The following PCDHA9 variants were observed in gnomAD, a reference collection of about 807,000 sequenced individuals.
The protein encoded by PCDHA9 is protocadherin alpha 9.
A neutral mutation model predicts 62.0 loss-of-function variants in PCDHA9; 62 were observed. The ratio of observed to expected loss-of-function variants is 1.00; its 90% confidence interval spans 0.81 to 1.23. The LOEUF (loss-of-function observed/expected upper bound fraction) is 1.23. PCDHA9 is among the 50% of genes most tolerant of loss of function. The pLI, the probability that PCDHA9 is intolerant of heterozygous loss-of-function variation, is 0.00. For synonymous variants in PCDHA9, 557 were observed against 567.6 expected (o/e 0.98, Z 0.27); for missense variants, 1,205 against 1,249.8 (o/e 0.96, Z 0.54).
At chr5:140,876,328 C>A in intron 1 of PCDHA9, 1 of 1,613,940 alleles carries the variant, frequency 6.2e-7, no homozygotes, top group Non-Finnish European at 8.5e-7. Flanking sequence ...AATGATTTTG[C>A]CAGTGAGTGA....
At chr5:140,884,037 T>C (rs1260114488) in intron 1 of PCDHA9, 1 of 1,613,346 alleles carries the variant, frequency 6.2e-7, no homozygotes, top group Non-Finnish European at 8.5e-7. Flanking sequence ...GCAGGCCACG[T>C]GGTGGCGAAG....
At chr5:140,871,254 T>A in intron 1 of PCDHA9, 1 of 1,613,952 alleles carries the variant, frequency 6.2e-7, no homozygotes, top group Non-Finnish European at 8.5e-7. Context: ...TGCTGCTGTA[T>A]ACGGCGCTGT....
chr5:140,961,970 G>A (rs1282918892), intron 1 of PCDHA9, among the ~76,000 whole-genome samples: 1 of 150,888 alleles, frequency 6.6e-6, no homozygotes, highest in Non-Finnish European at 1.5e-5. Flanking sequence ...TGCAACCTCC[G>A]CCTCCTGGGT....
chr5:140,967,072 C>A, intron 1 of PCDHA9: 7 of 1,613,106 alleles, frequency 4.3e-6, no homozygotes, highest in Non-Finnish European at 5.9e-6. Context: ...TCTTCGTCAA[C>A]GAGCGCATTG....
At chr5:140,983,807 G>A (rs1158459034) in intron 3 of PCDHA9, among the ~76,000 whole-genome samples, 1 of 152,100 alleles carries the variant, frequency 6.6e-6, no homozygotes, top group African/African-American at 2.4e-5. Context: ...TGTGTAAAAG[G>A]TTTTTTCCCA....
intron 1 of PCDHA9, 170 bp from the exon 2 acceptor site, chr5:140,978,779 C>T: frequency 2.1e-6 from 2 of 969,908 alleles, no homozygotes; most frequent in Non-Finnish European, 2.5e-6. Flanking sequence ...TAATTTTCTT[C>T]TAAAGTGCTA....
At position 141,010,207 on chromosome 5, in the gene PCDHA9, A is replaced by C; in HGVS notation, c.*270A>C. The C allele has an allele frequency of 6.4e-7, 1 of 1,551,870 alleles. No homozygotes were observed. ...CCAAGTTTCCTTTCTCCTCCGCCGC[A>C]AAGGAGAGGCTTCCCAGCCCCGCCA... On this transcript the variant is annotated 3_prime_UTR_variant, in exon 4 of 4. Transcript: ENST00000532602.
intron 3 of PCDHA9, among the ~76,000 whole-genome samples, chr5:140,983,787 A>G (rs1439684844): frequency 6.6e-6 from 1 of 152,234 alleles, no homozygotes; most frequent in Non-Finnish European, 1.5e-5. Flanking sequence ...ATAACAGATG[A>G]CAGAATGTGT....
intron 1 of PCDHA9, chr5:140,882,622 T>C (rs782369081): frequency 1.1e-4 from 185 of 1,614,060 alleles, no homozygotes; most frequent in Non-Finnish European, 1.5e-4. Context: ...AGGTTTTCCA[T>C]GTGGAGGTGA....
chr5:140,939,340 A>G (rs1337369012), intron 1 of PCDHA9, among the ~76,000 whole-genome samples: 1 of 152,178 alleles, frequency 6.6e-6, no homozygotes, highest in Non-Finnish European at 1.5e-5. Flanking sequence ...AGGGGTTAGC[A>G]TTTCAACTTA....
intron 1 of PCDHA9, among the ~76,000 whole-genome samples, chr5:140,880,167 G>A (rs1363011800): frequency 2.0e-5 from 3 of 152,160 alleles, no homozygotes; most frequent in African/African-American, 7.2e-5. Context: ...TATGTTAGAA[G>A]TTAAACATGA....
chr5:140,870,642 C>A (rs373909591), intron 1 of PCDHA9: 2 of 1,612,746 alleles, frequency 1.2e-6, no homozygotes, highest in African/African-American at 1.3e-5. Context: ...ACGCGGAGAG[C>A]GGCAAGGTGT....
chr5:140,946,019 C>CA (rs1222084270), intron 1 of PCDHA9, among the ~76,000 whole-genome samples: 3 of 151,732 alleles, frequency 2.0e-5, no homozygotes, highest in Non-Finnish European at 4.4e-5. Flanking sequence ...TCCTGCGCAG[C>CA]AAAGAAAACA....
At chr5:140,997,481 A>G (rs1563624223) in intron 3 of PCDHA9, among the ~76,000 whole-genome samples, 1 of 152,224 alleles carries the variant, frequency 6.6e-6, no homozygotes, top group Non-Finnish European at 1.5e-5. Flanking sequence ...ACACAATGAT[A>G]AGTATTTGTG....
intron 1 of PCDHA9, chr5:140,877,849 TA>T: frequency 6.5e-7 from 1 of 1,545,946 alleles, no homozygotes; most frequent in Non-Finnish European, 8.7e-7. Context: ...AGTAAGTTAT[TA>T]ATATTATTTA....
chr5:140,972,201 G>A (rs1554233905), intron 1 of PCDHA9, among the ~76,000 whole-genome samples: 1 of 152,058 alleles, frequency 6.6e-6, no homozygotes, highest in African/African-American at 2.4e-5. Flanking sequence ...GAGTATAGGT[G>A]TGAATATGGC....
chr5:140,935,526 T>C (rs558710371), intron 1 of PCDHA9, among the ~76,000 whole-genome samples: 3 of 152,232 alleles, frequency 2.0e-5, no homozygotes, highest in Non-Finnish European at 4.4e-5. Flanking sequence ...GCATGTACAG[T>C]CAAATTATTG....
In PCDHA9 at chr5:140,850,799, C is replaced by G. The variant is rs576094644; in HGVS notation, c.2304C>G (p.Asp768Glu). Residue 768 changes from aspartate (D) to glutamate (E), a missense_variant, in exon 1 of 4, where the codon GAC becomes GAG. By Grantham distance (45) the Asp-to-Glu change is conservative (BLOSUM62 2). Transcript: ENST00000532602. ...VCSGEGKQKT[D>E]LMAFSPGLSP... ...CTGGCGAGGGTAAGCAGAAGACCGA[C>G]CTCATGGCCTTCAGCCCGGGCCTTT... 6.3e-7 allele frequency: 1 copy of G among 1,598,148 alleles called. No individual in the cohort carries two copies. The highest frequency in any genetic ancestry group is 8.6e-7 in the Non-Finnish European group (1 of 1,167,684).
At chr5:140,902,257 C>T (rs1450183542) in intron 1 of PCDHA9, among the ~76,000 whole-genome samples, 2 of 140,176 alleles carry the variant, frequency 1.4e-5, no homozygotes, top group South Asian at 2.2e-4. Context: ...AGGCTGGTCT[C>T]GAACTCCTGG....
Sources: allele counts gnomAD v4.1 joint callset (sites outside exome capture counted in the v4.1 genomes callset), GRCh38; gene constraint gnomAD v4.1.1; transcripts MANE v1.5; gene names NCBI Gene and HGNC (gene_info 2026-07-23, HGNC 2026-07-21).